Variants in NEBL observed in about 807,000 individuals in gnomAD.
The protein encoded by NEBL is LIM and SH3 protein 2.
A neutral mutation model predicts 140.2 loss-of-function variants in NEBL; 122 were observed. That is an observed-to-expected ratio of 0.87 (90% CI 0.75 to 1.01). The LOEUF (loss-of-function observed/expected upper bound fraction) is 1.01. Ranked by LOEUF, NEBL falls within the 50% of genes least tolerant of loss-of-function variation. The pLI is 0.00. For missense variants in NEBL, 1,365 were observed against 1,231.3 expected, an observed-to-expected ratio of 1.11 and a Z score of -1.62; for synonymous variants, 436 against 398.9, an observed-to-expected ratio of 1.09 and a Z score of -1.11.
At chr10:20,801,999 A>G (rs551696463) in intron 26 of NEBL, among the ~76,000 whole-genome samples, 1 of 152,300 alleles carries the variant, frequency 6.6e-6, no homozygotes, top group South Asian at 2.1e-4. Context: ...TATTTTGAAA[A>G]GTGCATCTGT....
intron 2 of NEBL, among the ~76,000 whole-genome samples, chr10:20,891,078 C>CA (rs1846988281): frequency 6.6e-6 from 1 of 152,074 alleles, no homozygotes; most frequent in Admixed American, 6.5e-5. Flanking sequence ...TGATGTTATA[C>CA]ACTAATGGTA....
At chr10:20,896,476 TTATATGCATATATATATATATA>T (rs1451259036) in intron 2 of NEBL, among the ~76,000 whole-genome samples, 32 of 46,796 alleles carry the variant, frequency 6.8e-4, no homozygotes, top group Non-Finnish European at 1.2e-3. Flanking sequence ...TAAATAAATA[TTATATGCATATATATATATATA>T]TATATATATA....
chr10:20,952,987 T>C (rs1460656018), intron 4 of NEBL, among the ~76,000 whole-genome samples: 2 of 151,632 alleles, frequency 1.3e-5, no homozygotes, highest in African/African-American at 4.8e-5. Flanking sequence ...GATAGCAGCT[T>C]ATATTATAAT....
chr10:21,175,254 C>T (rs1229534956), upstream of NEBL, among the ~76,000 whole-genome samples: 1 of 152,174 alleles, frequency 6.6e-6, no homozygotes, highest in African/African-American at 2.4e-5. Context: ...CTTTAATCTA[C>T]AAAATGGGAA....
chr10:21,227,214 T>A (rs1842163920), intron 3 of NEBL, among the ~76,000 whole-genome samples: 1 of 152,124 alleles, frequency 6.6e-6, no homozygotes, highest in African/African-American at 2.4e-5. Context: ...CATCTTCCTT[T>A]GCCCAGGATA....
At chr10:21,056,710 A>G (rs952891797) in intron 2 of NEBL, among the ~76,000 whole-genome samples, 1 of 152,228 alleles carries the variant, frequency 6.6e-6, no homozygotes, top group African/African-American at 2.4e-5. Context: ...GCAGTGATGG[A>G]TTGCAACATT....
intron 4 of NEBL, among the ~76,000 whole-genome samples, chr10:20,920,566 A>G (rs1422709917): frequency 6.6e-6 from 1 of 152,218 alleles, no homozygotes; most frequent in East Asian, 1.9e-4. Context: ...TGGTTAAGAG[A>G]TGAAAGAATA....
chr10:21,222,486 T>C (rs1393450691), intron 3 of NEBL, among the ~76,000 whole-genome samples: 1 of 152,236 alleles, frequency 6.6e-6, no homozygotes. Flanking sequence ...GATGGTGTTT[T>C]TGGTTAATAT....
chr10:21,281,511 A>G (rs562019511), intron 1 of NEBL, among the ~76,000 whole-genome samples: 1 of 150,510 alleles, frequency 6.6e-6, no homozygotes, highest in Non-Finnish European at 1.5e-5. Flanking sequence ...ATTAATAGAC[A>G]TTTTTAGAGC....
chr10:21,271,206 T>C (rs182414329), intron 1 of NEBL, among the ~76,000 whole-genome samples: 10 of 152,248 alleles, frequency 6.6e-5, no homozygotes, highest in Non-Finnish European at 1.3e-4. Flanking sequence ...TGCAACAACA[T>C]GAATGAACCT....
At chr10:20,850,527 T>C (rs375413744) in intron 10 of NEBL, 25 bp from the exon 11 acceptor site, 46 of 1,471,994 alleles carry the variant, frequency 3.1e-5, no homozygotes, top group Non-Finnish European at 4.2e-5. Context: ...GAAAAGCATA[T>C]ACAAATCGAA....
At chr10:21,142,702 C>G (rs546594273) in intron 2 of NEBL, among the ~76,000 whole-genome samples, 1 of 152,154 alleles carries the variant, frequency 6.6e-6, no homozygotes, top group African/African-American at 2.4e-5. Flanking sequence ...GTATGGCGAG[C>G]ATTACTGCTA....
intron 2 of NEBL, among the ~76,000 whole-genome samples, chr10:21,107,644 C>T (rs1465499051): frequency 2.0e-5 from 3 of 152,084 alleles, no homozygotes; most frequent in Non-Finnish European, 4.4e-5. Context: ...TTTGTTGTGT[C>T]TCTTCCAGGC....
intron 9 of NEBL, among the ~76,000 whole-genome samples, chr10:20,856,830 TTATTC>T (rs1196673782): frequency 6.6e-6 from 1 of 152,108 alleles, no homozygotes; most frequent in African/African-American, 2.4e-5. Context: ...TTATTTTATT[TTATTC>T]TATGTATTTA....
intron 3 of NEBL, among the ~76,000 whole-genome samples, chr10:21,233,972 T>A (rs1842309709): frequency 7.0e-6 from 1 of 143,554 alleles, no homozygotes; most frequent in Admixed American, 7.2e-5. Flanking sequence ...AGATGCATCC[T>A]TCCTAAATTA....
intron 2 of NEBL, among the ~76,000 whole-genome samples, chr10:21,074,696 T>C (rs902585064): frequency 2.6e-5 from 4 of 152,100 alleles, no homozygotes; most frequent in African/African-American, 9.7e-5. Flanking sequence ...GCCAGGATGA[T>C]CTTGATCTCC....
intron 7 of NEBL, among the ~76,000 whole-genome samples, chr10:20,865,486 G>A (rs1039529466): frequency 2.0e-5 from 3 of 152,040 alleles, no homozygotes; most frequent in African/African-American, 7.2e-5. Flanking sequence ...CAGCTCCAGG[G>A]TACATTTTCT....
At chr10:20,809,097 TTTGCC>T (rs1837888908) in intron 25 of NEBL, among the ~76,000 whole-genome samples, 1 of 152,200 alleles carries the variant, frequency 6.6e-6, no homozygotes, top group South Asian at 2.1e-4. Context: ...GAATTCCTGC[TTTGCC>T]TTGGGTATTC....
chr10:20,958,846 C>G (rs1835925855), intron 4 of NEBL, among the ~76,000 whole-genome samples: 1 of 152,156 alleles, frequency 6.6e-6, no homozygotes, highest in Non-Finnish European at 1.5e-5. Context: ...CCACTCTCAC[C>G]TCGTTCATCA....
Sources: allele counts gnomAD v4.1 joint callset (sites outside exome capture counted in the v4.1 genomes callset), GRCh38; gene constraint gnomAD v4.1.1; transcripts MANE v1.5; gene names NCBI Gene and HGNC (gene_info 2026-07-23, HGNC 2026-07-21).